The following DCAF17 variants were observed in gnomAD, a reference collection of about 807,000 sequenced individuals.
DCAF17 encodes DDB1 and CUL4 associated factor 17.
DCAF17 carries 48 observed loss-of-function variants against 66.0 expected under a neutral mutation model. The observed-to-expected ratio is 0.73, with a 90% CI of 0.58 to 0.92. The LOEUF (loss-of-function observed/expected upper bound fraction) is 0.92. Among genes scored for constraint, DCAF17 ranks in the 40% least tolerant of loss-of-function variants. The pLI is 0.00. For missense variants in DCAF17, 562 were observed against 622.8 expected (o/e 0.90, Z 1.04); for synonymous variants, 206 against 214.6 (o/e 0.96, Z 0.35).
chr2:171,480,536 A>G (rs1012195534), intron 13 of DCAF17, among the ~76,000 whole-genome samples: 6 of 152,146 alleles, frequency 3.9e-5, no homozygotes, highest in Admixed American at 3.9e-4. Flanking sequence ...TTTACTAGAG[A>G]CCATATCTAA....
intron 3 of DCAF17, among the ~76,000 whole-genome samples, chr2:171,445,782 A>G (rs1001974018): frequency 3.9e-5 from 6 of 152,170 alleles, no homozygotes; most frequent in Admixed American, 1.3e-4. Flanking sequence ...TCCTGGGCTC[A>G]GGTGATCCTT....
chr2:171,438,768 G>T, intron 2 of DCAF17, among the ~76,000 whole-genome samples: 1 of 151,896 alleles, frequency 6.6e-6, no homozygotes, highest in Non-Finnish European at 1.5e-5. Context: ...TCAGGGTCTG[G>T]CTGTGTCTCC....
chr2:171,457,352 G>A (rs1695318677), intron 6 of DCAF17, among the ~76,000 whole-genome samples: 1 of 152,114 alleles, frequency 6.6e-6, no homozygotes, highest in African/African-American at 2.4e-5. Context: ...TATTTCCAAG[G>A]TAATTGGACA....
chr2:171,468,611 T>C (rs1696058201), intron 8 of DCAF17, among the ~76,000 whole-genome samples: 1 of 152,204 alleles, frequency 6.6e-6, no homozygotes, highest in African/African-American at 2.4e-5. Context: ...TAAACACCTT[T>C]AGCCCAGTTT....
chr2:171,478,871 A>C (rs1292449061), intron 12 of DCAF17, among the ~76,000 whole-genome samples: 1 of 152,226 alleles, frequency 6.6e-6, no homozygotes, highest in Non-Finnish European at 1.5e-5. Flanking sequence ...CATACTCTGC[A>C]TATAAAACTG....
intron 12 of DCAF17, among the ~76,000 whole-genome samples, chr2:171,478,646 C>T (rs573867592): frequency 2.0e-5 from 3 of 152,050 alleles, no homozygotes; most frequent in Admixed American, 6.5e-5. Flanking sequence ...ACATATAAAC[C>T]ATTGTGTAAA....
intron 8 of DCAF17, among the ~76,000 whole-genome samples, chr2:171,468,488 G>A (rs1199421343): frequency 6.6e-6 from 1 of 152,098 alleles, no homozygotes; most frequent in African/African-American, 2.4e-5. Flanking sequence ...TAATTACCTT[G>A]TAGGATTATT....
At chr2:171,472,605 G>A (rs1696308995) in intron 9 of DCAF17, among the ~76,000 whole-genome samples, 1 of 152,106 alleles carries the variant, frequency 6.6e-6, no homozygotes, top group Non-Finnish European at 1.5e-5. Flanking sequence ...TCTGGTGCAT[G>A]GGTCAATCAC....
rs187338503 is a variant in DCAF17 at position 171,448,585 on chromosome 2, G to T, written c.322-96G>T. 2.2e-3 allele frequency: 2,432 copies of T among 1,098,550 alleles called. 3 individuals are homozygous for T. Among genetic ancestry groups the T allele is most frequent in the Non-Finnish European group, 2.8e-3 (2,224 of 791,414 alleles). The allele number at this position is 1,098,550 out of a possible 1,614,324, so 68.1% of individuals were successfully genotyped here. ...CTTTCTTTTGTGGTTTATTTATTTG[G>T]CATTTGAATATTTAGCTATTTTCTT... is the stretch of plus-strand genomic sequence containing the variant. On this transcript the variant is annotated intron_variant, in intron 3 of 13. Transcript: ENST00000375255.
At chr2:171,453,085 C>T (rs752806217) in intron 5 of DCAF17, 39 bp from the exon 6 acceptor site, 1 of 1,453,758 alleles carries the variant, frequency 6.9e-7, no homozygotes, top group Non-Finnish European at 9.5e-7. Context: ...TTCTGAAGTA[C>T]TTTTGAGAGC....
Position 171,449,925 on chromosome 2 carries a change from G to C in DCAF17, c.505G>C (p.Ala169Pro). 1 of 1,613,796 alleles carries C rather than the reference G, an allele frequency of 6.2e-7. No homozygotes were observed. The highest frequency in any genetic ancestry group is 8.5e-7 in the Non-Finnish European group (1 of 1,179,794). ...TCAAGAAGTCATTGCAGTTAAGTCA[G>C]CTCAGAACAGAGGCTCAGCAGTGGC... ...TPQEVIAVKS[A>P]QNRGSAVARQ... The change falls in exon 5 of 14, where the codon GCT becomes CCT. Residue 169 changes from alanine (A) to proline (P), a missense_variant. Coordinates refer to ENST00000375255, the MANE Select transcript of DCAF17 (RefSeq NM_025000.4).
Position 171,478,073 on chromosome 2 carries a change from A to T in DCAF17, c.1266+3A>T. 1 of 1,612,870 alleles carries T rather than the reference A, an allele frequency of 6.2e-7. No individual in the cohort carries two copies. On this transcript the variant is annotated splice_donor_region_variant and intron_variant, in intron 12 of 13. Coordinates refer to ENST00000375255, the MANE Select transcript of DCAF17 (RefSeq NM_025000.4). The stretch of plus-strand genomic sequence containing the variant: ...TGGATGATGACCCAGAACAAGAGGT[A>T]TTGCTTTGGCCAGAGATGACAAACC...
intron 4 of DCAF17, among the ~76,000 whole-genome samples, chr2:171,449,288 G>C (rs939729572): frequency 1.3e-5 from 2 of 152,086 alleles, no homozygotes; most frequent in South Asian, 4.1e-4. Context: ...GATTACAGGC[G>C]TGAGCCATCG....
At chr2:171,441,215 G>A (rs940475701) in intron 2 of DCAF17, among the ~76,000 whole-genome samples, 4 of 152,164 alleles carry the variant, frequency 2.6e-5, no homozygotes, top group African/African-American at 9.7e-5. Flanking sequence ...GAGCCACAGA[G>A]CTATCTCTTT....
In DCAF17 at chr2:171,481,224, G is replaced by T. The variant is rs771324052; in HGVS notation, c.*110G>T. 7.2e-7 allele frequency: 1 copy of T among 1,393,506 alleles called. No individual in the cohort carries two copies. The highest frequency in any genetic ancestry group is 1.4e-5 in the African/African-American group (1 of 70,212). The allele number at this position is 1,393,506 out of a possible 1,614,324, so 86.3% of individuals were successfully genotyped here. A position where few individuals can be genotyped will look rare whatever the true frequency, so the allele number is the denominator to read the frequency against. On this transcript the variant is annotated 3_prime_UTR_variant, in exon 14 of 14. Transcript: ENST00000375255. ...ACATTCTCCAGTATTTTCCAAAAAA[G>T]TCTTGTGTTGACTTCAGATGACTAT... is the stretch of plus-strand genomic sequence containing the variant.
intron 10 of DCAF17, chr2:171,474,284 G>T: frequency 2.8e-6 from 1 of 355,380 alleles, no homozygotes; most frequent in South Asian, 2.8e-5. Context: ...AAGAGTATTT[G>T]TCTTTGTTCT....
In DCAF17 at chr2:171,482,738, T is replaced by C. The variant is rs931276067; in HGVS notation, c.*1624T>C. On this transcript the variant is annotated 3_prime_UTR_variant, in exon 14 of 14. Transcript: ENST00000375255. ...TCATCACCTTCCTTTTATGAAATGA[T>C]AGTAAGGAACTCGTCTATTCTGAAA... 1.3e-5 allele frequency: 6 copies of C among 452,742 alleles called. No individual in the cohort carries two copies. Among genetic ancestry groups the C allele is most frequent in the African/African-American group, 8.0e-5 (4 of 49,912 alleles). The allele number at this position is 452,742 out of a possible 1,614,324, so 28.0% of individuals were successfully genotyped here.
chr2:171,437,905 TG>T (rs1375162526), intron 2 of DCAF17, among the ~76,000 whole-genome samples: 7 of 152,238 alleles, frequency 4.6e-5, no homozygotes, highest in Admixed American at 4.6e-4. Context: ...TTGCTTACTT[TG>T]GATTTAATTT....
intron 8 of DCAF17, among the ~76,000 whole-genome samples, chr2:171,466,957 T>C (rs2105791009): frequency 6.6e-6 from 1 of 152,172 alleles, no homozygotes; most frequent in East Asian, 1.9e-4. Context: ...CTTTTTCCCT[T>C]TTTCTATTGG....
Sources: gnomAD v4.1 joint callset for allele counts (sites outside exome capture counted in the v4.1 genomes callset) on GRCh38, gnomAD v4.1.1 for gene constraint, MANE v1.5 for transcripts, NCBI Gene and HGNC (gene_info 2026-07-23, HGNC 2026-07-21) for gene names.